The following SIPA1L3 variants were observed in gnomAD, a reference collection of about 807,000 sequenced individuals.
SIPA1L3 encodes signal induced proliferation associated 1 like 3.
Under a neutral mutation model 150.1 loss-of-function variants are expected in SIPA1L3, and 59 were observed. The observed-to-expected ratio is 0.39, with a 90% confidence interval of 0.32 to 0.49. SIPA1L3 has a LOEUF of 0.49. Ranked by LOEUF, SIPA1L3 falls within the 20% of genes least tolerant of loss-of-function variation. The pLI is 0.86. For synonymous variants in SIPA1L3, 1,070 were observed against 1,077.6 expected, an observed-to-expected ratio of 0.99 and a Z score of 0.14; for missense variants, 2,211 against 2,489.5, an observed-to-expected ratio of 0.89 and a Z score of 2.38.
intron 1 of SIPA1L3, among the ~76,000 whole-genome samples, chr19:37,979,386 TAA>T (rs1214746680): frequency 4.3e-5 from 6 of 139,654 alleles, no homozygotes; most frequent in African/African-American, 1.3e-4. Flanking sequence ...CTATCTCTAC[TAA>T]AAAAAAAAAA....
chr19:37,923,703 A>G (rs566728672), intron 1 of SIPA1L3, among the ~76,000 whole-genome samples: 2 of 151,918 alleles, frequency 1.3e-5, no homozygotes, highest in African/African-American at 2.4e-5. Flanking sequence ...CATTAACCGT[A>G]GCTTACTGCA....
intron 2 of SIPA1L3, among the ~76,000 whole-genome samples, chr19:38,037,282 C>T (rs1212502474): frequency 6.6e-6 from 1 of 151,966 alleles, no homozygotes. Context: ...GAACGTCTGT[C>T]ATAAGGACTG....
In SIPA1L3 at chr19:38,206,100, A is replaced by C; in HGVS notation, c.5206A>C (p.Lys1736Gln). The part of the protein sequence containing the change: ...KQLHTDLQKE[K>Q]QDKVVLQSEV... ...GCCAGCTTCCCACCCTGTGCAGGAGAAGCAGGACAAGGTGGTGCTCCAGTC... is the reference window on the plus strand; with the variant it reads ...GCCAGCTTCCCACCCTGTGCAGGAGCAGCAGGACAAGGTGGTGCTCCAGTC... Residue 1736 changes from lysine (K) to glutamine (Q), a missense_variant, in exon 22 of 22, where the codon AAG (lysine) becomes CAG (glutamine). By Grantham distance (53) the Lys-to-Gln change is moderately conservative. This residue lies in a region of SIPA1L3 where 63 missense variants were observed against 106.1 expected (regional missense o/e 0.59). Coordinates refer to ENST00000222345, the MANE Select transcript of SIPA1L3 (RefSeq NM_015073.3). 6.5e-7 allele frequency: 1 copy of C among 1,544,606 alleles called. No homozygotes were observed. The highest frequency in any genetic ancestry group is 2.5e-5 in the East Asian group (1 of 40,578).
intron 10 of SIPA1L3, among the ~76,000 whole-genome samples, chr19:38,133,091 A>G (rs1971350580): frequency 6.6e-6 from 1 of 152,218 alleles, no homozygotes; most frequent in Admixed American, 6.5e-5. Flanking sequence ...AGAGTCAAAG[A>G]TGGAAGCTTG....
At chr19:38,186,195 G>GTA (rs1186768773) in intron 16 of SIPA1L3, 2 of 152,226 alleles carry the variant, frequency 1.3e-5, no homozygotes, top group African/African-American at 2.4e-5. Flanking sequence ...GAGATGGCTT[G>GTA]TATATGTGTG....
At chr19:38,176,838 G>C (rs557057429) in intron 15 of SIPA1L3, among the ~76,000 whole-genome samples, 64 of 152,140 alleles carry the variant, frequency 4.2e-4, no homozygotes, top group African/African-American at 1.5e-3. Context: ...GGGTGTGGTG[G>C]CACATGCCTG....
At chr19:38,010,089 A>C (rs1968061062) in intron 1 of SIPA1L3, among the ~76,000 whole-genome samples, 1 of 152,070 alleles carries the variant, frequency 6.6e-6, no homozygotes, top group Non-Finnish European at 1.5e-5. Flanking sequence ...CTCTCCCTCC[A>C]GACCCCCTCC....
intron 2 of SIPA1L3, among the ~76,000 whole-genome samples, chr19:38,061,929 G>C (rs1969453144): frequency 6.6e-6 from 1 of 151,130 alleles, no homozygotes; most frequent in Non-Finnish European, 1.5e-5. Context: ...GATTCACCCT[G>C]TTGATGGCCC....
At chr19:38,202,037 C>T in intron 20 of SIPA1L3, 40 bp downstream of exon 20, 1 of 1,562,392 alleles carries the variant, frequency 6.4e-7, no homozygotes, top group Non-Finnish European at 8.6e-7. Flanking sequence ...ATACCAGCGG[C>T]AGGCCTGTGC....
intron 1 of SIPA1L3, among the ~76,000 whole-genome samples, chr19:37,908,140 G>C (rs2046350458): frequency 6.6e-6 from 1 of 152,190 alleles, no homozygotes; most frequent in Non-Finnish European, 1.5e-5. Context: ...CATTTATTCA[G>C]CGTTTTCCTA....
intron 2 of SIPA1L3, among the ~76,000 whole-genome samples, chr19:38,069,465 C>G (rs573583389): frequency 6.6e-6 from 1 of 152,120 alleles, no homozygotes; most frequent in Non-Finnish European, 1.5e-5. Context: ...ACCCACCTGC[C>G]CACTTGGATG....
chr19:38,140,016 C>G (rs889966968), intron 10 of SIPA1L3, among the ~76,000 whole-genome samples: 1 of 152,202 alleles, frequency 6.6e-6, no homozygotes, highest in Non-Finnish European at 1.5e-5. Flanking sequence ...GTTAAGTTTC[C>G]AACACGTGAC....
chr19:38,202,524 C>T (rs923629664), intron 20 of SIPA1L3, among the ~76,000 whole-genome samples: 10 of 152,026 alleles, frequency 6.6e-5, no homozygotes, highest in Non-Finnish European at 1.3e-4. Flanking sequence ...GGAGGCGAAG[C>T]TTGCAGTGAG....
At chr19:37,968,223 C>T (rs2046923159) in intron 1 of SIPA1L3, among the ~76,000 whole-genome samples, 1 of 152,132 alleles carries the variant, frequency 6.6e-6, no homozygotes, top group Non-Finnish European at 1.5e-5. Context: ...CAGGCACGCG[C>T]TGCCATGCCC....
At chr19:37,931,705 G>A (rs898993145) in intron 1 of SIPA1L3, among the ~76,000 whole-genome samples, 5 of 152,092 alleles carry the variant, frequency 3.3e-5, no homozygotes, top group East Asian at 1.9e-4. Context: ...AGCTGAGATC[G>A]CATCACTGCA....
In SIPA1L3 at chr19:38,070,993, A is replaced by G. The variant is rs186925247; in HGVS notation, c.-310-10263A>G. On this transcript the variant is annotated intron_variant, in intron 2 of 21. Transcript: ENST00000222345. Reference sequence around the variant, plus strand: ...AGGGGGTCCCTCTACCTCTAAGCAAAGGCCTGTGAAAGGACAGCCCATCCC... The same window carrying G: ...AGGGGGTCCCTCTACCTCTAAGCAAGGGCCTGTGAAAGGACAGCCCATCCC... Among the ~76,000 whole-genome samples the G allele has an allele frequency of 3.1e-3, 477 of 152,246 alleles. 2 individuals are homozygous for G. Among genetic ancestry groups the G allele is most frequent in the African/African-American group, 0.011 (453 of 41,544 alleles).
chr19:38,110,314 C>T lies in SIPA1L3; in HGVS notation c.2221C>T (p.Arg741Cys), dbSNP rs766343260. 28 of 1,614,144 alleles carry T rather than the reference C, an allele frequency of 1.7e-5. No homozygotes were observed. The highest frequency in any genetic ancestry group is 2.2e-5 in the East Asian group (1 of 44,882). ...GCTACCGTTCACCCCCAAGAACATC[C>T]GCTCCCACTTCCAGCACGTCTTCAT... Reference protein sequence around the residue: ...GALPFTPKNIRSHFQHVFIIV... With the variant: ...GALPFTPKNICSHFQHVFIIV... Residue 741 changes from arginine to cysteine, a missense_variant, in exon 8 of 22, where the codon CGC becomes TGC. Physicochemically the swap from Arg to Cys is radical, Grantham distance 180. Coordinates refer to ENST00000222345, the MANE Select transcript of SIPA1L3 (RefSeq NM_015073.3).
chr19:38,050,138 A>G (rs1364580383), intron 2 of SIPA1L3, among the ~76,000 whole-genome samples: 5 of 152,236 alleles, frequency 3.3e-5, no homozygotes, highest in African/African-American at 1.2e-4. Flanking sequence ...TGAGGATTAA[A>G]TGAGATAATA....
At chr19:38,059,092 C>G (rs1201343700) in intron 2 of SIPA1L3, among the ~76,000 whole-genome samples, 1 of 150,176 alleles carries the variant, frequency 6.7e-6, no homozygotes, top group Non-Finnish European at 1.5e-5. Flanking sequence ...GTGGCACCAT[C>G]ATAGCTCAAG....
Sources: gnomAD v4.1 joint callset for allele counts (sites outside exome capture counted in the v4.1 genomes callset) on GRCh38, gnomAD v4.1.1 for gene constraint, gnomAD v4.1.1 regional missense constraint, MANE v1.5 for transcripts, NCBI Gene and HGNC (gene_info 2026-07-23, HGNC 2026-07-21) for gene names.